TSPAN5: variants seen among roughly 807,000 people sequenced by gnomAD.
TSPAN5 encodes the protein tetraspanin 5, also known as tetraspanin-5.
A neutral mutation model predicts 37.1 loss-of-function variants in TSPAN5; 10 were observed. The ratio of observed to expected loss-of-function variants is 0.27; its 90% confidence interval spans 0.17 to 0.46. The LOEUF is 0.46. Ranked by LOEUF, TSPAN5 falls within the 20% of genes least tolerant of loss-of-function variation. TSPAN5 has a pLI of 1.00. For missense variants in TSPAN5, 195 were observed against 326.6 expected, an observed-to-expected ratio of 0.60 and a Z score of 3.11; for synonymous variants, 110 against 118.9, an observed-to-expected ratio of 0.93 and a Z score of 0.48.
In TSPAN5 at chr4:98,508,771, C is replaced by T. The variant is rs145925920; in HGVS notation, c.82-1043G>A. On this transcript the variant is annotated intron_variant, in intron 1 of 7. Coordinates refer to ENST00000305798, the MANE Select transcript of TSPAN5 (RefSeq NM_005723.4). Reference sequence around the variant, plus strand: ...CACTACTGGGCTCAAGCAATCCTCCCGCCTCGGCCTCTCAAAATGCTGAGA... The same window carrying T: ...CACTACTGGGCTCAAGCAATCCTCCTGCCTCGGCCTCTCAAAATGCTGAGA... 4.4e-3 allele frequency among the ~76,000 whole-genome samples: 662 copies of T among 152,110 alleles called. 5 individuals are homozygous for T. Among genetic ancestry groups the T allele is most frequent in the Middle Eastern group, 0.014 (4 of 294 alleles).
chr4:98,646,239 G>A (rs991321995), intron 1 of TSPAN5, among the ~76,000 whole-genome samples: 1 of 152,130 alleles, frequency 6.6e-6, no homozygotes, highest in Admixed American at 6.5e-5. Flanking sequence ...GCATCAGCTG[G>A]AAGGACATAT....
intron 1 of TSPAN5, among the ~76,000 whole-genome samples, chr4:98,560,676 T>C (rs998410274): frequency 6.6e-6 from 1 of 152,172 alleles, no homozygotes; most frequent in African/African-American, 2.4e-5. Flanking sequence ...GATAGAACAA[T>C]GAGCAAAACA....
intron 1 of TSPAN5, among the ~76,000 whole-genome samples, chr4:98,627,278 C>G (rs1477061507): frequency 6.6e-6 from 1 of 152,056 alleles, no homozygotes; most frequent in Admixed American, 6.6e-5. Context: ...TGATCCTGAA[C>G]CGGATCCTTT....
chr4:98,620,205 C>A (rs907908921), intron 1 of TSPAN5, among the ~76,000 whole-genome samples: 2 of 152,182 alleles, frequency 1.3e-5, no homozygotes, highest in African/African-American at 4.8e-5. Context: ...CATGCAGCTT[C>A]TTTAGCTCAC....
At chr4:98,624,415 T>C (rs1484244531) in intron 1 of TSPAN5, among the ~76,000 whole-genome samples, 1 of 152,106 alleles carries the variant, frequency 6.6e-6, no homozygotes, top group African/African-American at 2.4e-5. Context: ...ATGAAAGTAA[T>C]GGTTTCCCAG....
chr4:98,571,530 C>T (rs74548459), intron 1 of TSPAN5, among the ~76,000 whole-genome samples: 1,797 of 145,598 alleles, frequency 0.012, 29 homozygotes, highest in African/African-American at 0.025. Flanking sequence ...AAACTGATAA[C>T]AGCATTTTTA....
At chr4:98,533,939 T>A (rs1191825347) in intron 1 of TSPAN5, among the ~76,000 whole-genome samples, 12 of 31,152 alleles carry the variant, frequency 3.9e-4, no homozygotes, top group South Asian at 3.1e-3. Flanking sequence ...TTGTTGATCT[T>A]AAAAAAAAAA....
exon 1 of TSPAN5, chr4:98,658,601 GCCGCTCGCTTGCTCGCCCGC>G (rs1232810579): frequency 6.5e-6 from 1 of 154,080 alleles, no homozygotes; most frequent in East Asian, 1.9e-4. Context: ...TGGTGGAGAC[GCCGCTCGCTTGCTCGCCCGC>G]CCGTTCGCGC....
chr4:98,494,356 C>G (rs1047220103), intron 2 of TSPAN5, among the ~76,000 whole-genome samples: 1 of 151,894 alleles, frequency 6.6e-6, no homozygotes, highest in African/African-American at 2.4e-5. Context: ...ATGGGGGAGA[C>G]AGACAAACAG....
chr4:98,572,713 T>G (rs1755153284), intron 1 of TSPAN5, among the ~76,000 whole-genome samples: 1 of 152,270 alleles, frequency 6.6e-6, no homozygotes. Context: ...GGTTTTAGTG[T>G]GCTCCCCTTT....
intron 2 of TSPAN5, among the ~76,000 whole-genome samples, chr4:98,504,493 A>T (rs1350334032): frequency 1.3e-5 from 2 of 152,190 alleles, no homozygotes; most frequent in Non-Finnish European, 2.9e-5. Flanking sequence ...TGGTCCATGG[A>T]TTGGAGCCTG....
At chr4:98,615,690 G>A (rs949593377) in intron 1 of TSPAN5, among the ~76,000 whole-genome samples, 20 of 152,286 alleles carry the variant, frequency 1.3e-4, no homozygotes, top group African/African-American at 4.3e-4. Flanking sequence ...GCGTGGTAAT[G>A]TATGCCTGTA....
chr4:98,615,387 T>A (rs1756300558), intron 1 of TSPAN5, among the ~76,000 whole-genome samples: 1 of 152,238 alleles, frequency 6.6e-6, no homozygotes, highest in African/African-American at 2.4e-5. Flanking sequence ...GCCCCTTCTT[T>A]CCAATCATTT....
intron 1 of TSPAN5, among the ~76,000 whole-genome samples, chr4:98,557,087 G>C (rs1407390498): frequency 1.3e-5 from 2 of 152,110 alleles, no homozygotes; most frequent in Non-Finnish European, 2.9e-5. Flanking sequence ...CTCTTATTGA[G>C]AGCAACAAAG....
intron 2 of TSPAN5, among the ~76,000 whole-genome samples, chr4:98,504,509 C>T (rs959790771): frequency 2.6e-5 from 4 of 152,186 alleles, no homozygotes; most frequent in Non-Finnish European, 4.4e-5. Context: ...GCCTGAAACT[C>T]TCCTAAAATT....
chr4:98,476,338 A>G, intron 6 of TSPAN5, 33 bp from the exon 7 acceptor site: 1 of 1,612,964 alleles, frequency 6.2e-7, no homozygotes, highest in Non-Finnish European at 8.5e-7. Context: ...ACATTGTCAC[A>G]GATAGAGCAC....
At chr4:98,651,196 C>T (rs2110291138) in intron 1 of TSPAN5, among the ~76,000 whole-genome samples, 1 of 152,290 alleles carries the variant, frequency 6.6e-6, no homozygotes, top group Non-Finnish European at 1.5e-5. Flanking sequence ...AGCACCATTT[C>T]TGTACTATTC....
chr4:98,618,467 A>G (rs1476261986), intron 1 of TSPAN5, among the ~76,000 whole-genome samples: 2 of 152,246 alleles, frequency 1.3e-5, no homozygotes, highest in African/African-American at 4.8e-5. Context: ...TTTGTATAAT[A>G]GCAGTCGTAA....
intron 1 of TSPAN5, among the ~76,000 whole-genome samples, chr4:98,569,453 T>A (rs1160547114): frequency 6.6e-6 from 1 of 152,144 alleles, no homozygotes; most frequent in Non-Finnish European, 1.5e-5. Context: ...ACTCTGACCA[T>A]CTGCAGGGAC....
Sources: gnomAD v4.1 joint callset for allele counts (sites outside exome capture counted in the v4.1 genomes callset) on GRCh38, gnomAD v4.1.1 for gene constraint, MANE v1.5 for transcripts, NCBI Gene and HGNC (gene_info 2026-07-23, HGNC 2026-07-21) for gene names.